AURKA: variants seen among roughly 807,000 people sequenced by gnomAD.
AURKA encodes the protein aurora kinase A, also known as aurora 2.
In AURKA, 12 loss-of-function variants were observed where a neutral mutation model predicts 40.9. That is an observed-to-expected ratio of 0.29 (90% CI 0.19 to 0.48). AURKA has a LOEUF of 0.48. AURKA is among the 20% of genes least tolerant of loss of function. The pLI is 0.99. For synonymous variants in AURKA, 170 were observed against 164.3 expected, an observed-to-expected ratio of 1.03 and a Z score of -0.26; for missense variants, 322 against 462.1, an observed-to-expected ratio of 0.70 and a Z score of 2.78.
In AURKA at chr20:56,386,284, T is replaced by C. The variant is rs746371874; in HGVS notation, c.292A>G (p.Ser98Gly). The C allele has an allele frequency of 3.1e-6, 5 of 1,614,114 alleles. No individual in the cohort carries two copies. The highest frequency in any genetic ancestry group is 4.2e-6 in the Non-Finnish European group (5 of 1,180,040). The change falls in exon 3 of 9, where the codon AGC (serine) becomes GGC (glycine). Residue 98 changes from serine (S) to glycine (G), a missense_variant. Transcript: ENST00000395915. ...GGTGCCGATGGCAGGGGCTGCTTGC[T>C]CTTTTGGGTGTTATTCAGTGGCCTG... ...VSRPLNNTQK[S>G]KQPLPSAPEN...
intron 7 of AURKA, 33 bp from the exon 8 acceptor site, chr20:56,370,692 T>C (rs1300614779): frequency 1.2e-6 from 2 of 1,612,920 alleles, no homozygotes; most frequent in East Asian, 2.2e-5. Context: ...GTTGATGTGC[T>C]TCTCGTTTTA....
At chr20:56,370,826 A>G (rs954001809) in intron 7 of AURKA, among the ~76,000 whole-genome samples, 167 bp from the exon 8 acceptor site, 8 of 152,236 alleles carry the variant, frequency 5.3e-5, no homozygotes, top group Non-Finnish European at 8.8e-5. Flanking sequence ...AGATGAAGCG[A>G]GGTGTGTAAG....
At chr20:56,374,630 C>G (rs557193839) in intron 6 of AURKA, among the ~76,000 whole-genome samples, 5 of 151,982 alleles carry the variant, frequency 3.3e-5, no homozygotes, top group South Asian at 4.2e-4. Context: ...AGATGGGGGT[C>G]TCACTATGTT....
intron 6 of AURKA, among the ~76,000 whole-genome samples, chr20:56,378,073 G>A (rs920664905): frequency 1.1e-4 from 17 of 152,142 alleles, no homozygotes; most frequent in African/African-American, 4.1e-4. Context: ...AGGCTGAGAT[G>A]GGAGGATTGC....
At position 56,373,699 on chromosome 20, in the gene AURKA, CCA is replaced by C. The variant is rs1984564900; in HGVS notation, c.706-145_706-144del. ...GGCACAGTGGCTCACACCTATAATC[CCA>C]ACACTTTGGGGGACTGAGGTGGGAG... On this transcript the variant is annotated intron_variant, in intron 6 of 8. Transcript: ENST00000395915. This position sits in a 1 kb window ranked among gnomAD's most constrained non-coding sequence, Gnocchi z 5.0. The C allele has an allele frequency of 1.1e-6, 1 of 943,074 alleles. No homozygotes were observed. The highest frequency in any genetic ancestry group is 2.6e-5 in the East Asian group (1 of 37,990). 58.4% of individuals were successfully genotyped at this position (943,074 alleles called of 1,614,324 possible).
chr20:56,373,516 G>A lies in AURKA; in HGVS notation c.746C>T (p.Ser249Leu), dbSNP rs373550419. Residue 249 changes from serine (S) to leucine (L), a missense_variant, in exon 7 of 9, where the codon TCG becomes TTG. Physicochemically the swap from Ser to Leu is moderately radical, Grantham distance 145. Coordinates refer to ENST00000395915, the MANE Select transcript of AURKA (RefSeq NM_198437.3). The surrounding 1 kb of genome is among the most constrained non-coding windows in gnomAD (Gnocchi z 5.0). ...ELANALSYCHSKRVIHRDIKP... is the reference protein window; with the variant it reads ...ELANALSYCHLKRVIHRDIKP... ...AATGTCTCTATGAATAACTCTCTTC[G>A]AATGACAGTAAGACAGGGCATTTGC... 136 of 1,614,036 alleles carry A rather than the reference G, an allele frequency of 8.4e-5. 1 individual carries two copies. The highest frequency in any genetic ancestry group is 1.1e-4 in the Non-Finnish European group (126 of 1,180,014).
At chr20:56,387,992 G>C (rs1034653312) in intron 2 of AURKA, among the ~76,000 whole-genome samples, 164 bp downstream of exon 2, 1 of 152,228 alleles carries the variant, frequency 6.6e-6, no homozygotes, top group Non-Finnish European at 1.5e-5. Flanking sequence ...ACTCTAAGAA[G>C]CAGCAAAATG....
chr20:56,371,780 G>A (rs1045798179), intron 7 of AURKA, among the ~76,000 whole-genome samples: 1 of 152,122 alleles, frequency 6.6e-6, no homozygotes, highest in African/African-American at 2.4e-5. Context: ...TCTGAATGTG[G>A]ACTAAATATT....
chr20:56,385,111 T>C (rs1297042149), intron 3 of AURKA, among the ~76,000 whole-genome samples: 2 of 152,204 alleles, frequency 1.3e-5, no homozygotes, highest in African/African-American at 2.4e-5. Context: ...ATTGCCCAGT[T>C]CTAATGAGTC....
intron 4 of AURKA, 81 bp from the exon 5 acceptor site, chr20:56,383,257 T>G: frequency 6.9e-7 from 1 of 1,444,144 alleles, no homozygotes; most frequent in Non-Finnish European, 9.7e-7. Context: ...AGACACATTC[T>G]ACAAATAATT....
chr20:56,385,645 G>T (rs1986263218), intron 3 of AURKA, among the ~76,000 whole-genome samples: 1 of 151,874 alleles, frequency 6.6e-6, no homozygotes, highest in Non-Finnish European at 1.5e-5. Flanking sequence ...ATTTTTAGTA[G>T]AGACAGGGTT....
intron 6 of AURKA, among the ~76,000 whole-genome samples, chr20:56,378,929 A>C (rs1156820965): frequency 1.3e-5 from 2 of 152,220 alleles, no homozygotes; most frequent in Non-Finnish European, 2.9e-5. Context: ...TCTTAAGAGC[A>C]GCGAAACTAT....
chr20:56,384,426 G>T, intron 3 of AURKA, 102 bp from the exon 4 acceptor site: 5 of 849,794 alleles, frequency 5.9e-6, no homozygotes, highest in Admixed American at 2.3e-5. Flanking sequence ...AAATATTAAT[G>T]GTATGTCAAG....
chr20:56,383,029 C>T lies in AURKA; in HGVS notation c.522G>A (p.Val174=), dbSNP rs1985921046. ...LFKAQLEKAG[V]EHQLRREVEI... is the part of the protein sequence containing the mutation. ...CTACTTCTCTTCTGAGCTGATGCTC[C>T]ACTCCGGCTTTCTCCAGCTGAGCTT... The change falls in exon 5 of 9, where the codon GTG becomes GTA. Residue 174 remains valine, a synonymous_variant. Transcript: ENST00000395915. The T allele has an allele frequency of 6.2e-7, 1 of 1,614,072 alleles. No individual in the cohort carries two copies. Among genetic ancestry groups the T allele is most frequent in the Non-Finnish European group, 8.5e-7 (1 of 1,180,042 alleles).
At chr20:56,374,637 T>C (rs997295374) in intron 6 of AURKA, among the ~76,000 whole-genome samples, 2 of 152,180 alleles carry the variant, frequency 1.3e-5, no homozygotes, top group Admixed American at 6.5e-5. Context: ...GGTCTCACTA[T>C]GTTGACCAGG....
At position 56,386,330 on chromosome 20, in the gene AURKA, G is replaced by A. The variant is rs1253426665; in HGVS notation, c.246C>T (p.Thr82=). The part of the protein sequence containing the change: ...QNQKQKQLQA[T]SVPHPVSRPL... ...GCCTGGAGACAGGATGAGGTACACTGGTTGCCTGCAATTGCTTCTGCTTCT... is the reference window on the plus strand; with the variant it reads ...GCCTGGAGACAGGATGAGGTACACTAGTTGCCTGCAATTGCTTCTGCTTCT... Residue 82 remains threonine, a synonymous_variant, in exon 3 of 9, where the codon ACC becomes ACT. Transcript: ENST00000395915. The A allele has an allele frequency of 1.1e-5, 17 of 1,614,062 alleles. No homozygotes were observed. The highest frequency in any genetic ancestry group is 1.4e-5 in the Non-Finnish European group (16 of 1,180,038).
intron 4 of AURKA, among the ~76,000 whole-genome samples, chr20:56,383,581 C>T (rs1338517408): frequency 6.6e-6 from 1 of 152,238 alleles, no homozygotes; most frequent in African/African-American, 2.4e-5. Flanking sequence ...CCTCCAGTCC[C>T]AGAGGTGCTA....
rs1379399607 is a variant in AURKA at position 56,370,302 on chromosome 20, G to A, written c.1068C>T (p.Ala356=). The A allele has an allele frequency of 1.2e-6, 2 of 1,614,056 alleles. No homozygotes were observed. The highest frequency in any genetic ancestry group is 1.3e-5 in the African/African-American group (1 of 74,918). ...FTFPDFVTEG[A]RDLISRLLKH... is the part of the protein sequence containing the mutation. Reference sequence around the variant, plus strand: ...TCAACAGTCTTGAAATGAGGTCCCTGGCTCCCTCTGTTACAAAGTCAGGGA... The same window carrying A: ...TCAACAGTCTTGAAATGAGGTCCCTAGCTCCCTCTGTTACAAAGTCAGGGA... Residue 356 remains alanine, a synonymous_variant, in exon 9 of 9, where the codon GCC becomes GCT. Coordinates refer to ENST00000395915, the MANE Select transcript of AURKA (RefSeq NM_198437.3).
chr20:56,391,315 G>A (rs747141251), intron 1 of AURKA, among the ~76,000 whole-genome samples: 3 of 152,240 alleles, frequency 2.0e-5, no homozygotes, highest in Non-Finnish European at 4.4e-5. Context: ...CATTACGAGA[G>A]TTAAGGACAG....
Sources: gnomAD v4.1 joint callset for allele counts (sites outside exome capture counted in the v4.1 genomes callset) on GRCh38, gnomAD v4.1.1 for gene constraint, Gnocchi (gnomAD v3.1) non-coding constraint, MANE v1.5 for transcripts, NCBI Gene and HGNC (gene_info 2026-07-23, HGNC 2026-07-21) for gene names.